ZMIZ1: variants seen among roughly 807,000 people sequenced by gnomAD.
ZMIZ1 encodes the protein zinc finger MIZ domain-containing protein 1.
ZMIZ1 carries 17 observed loss-of-function variants against 113.9 expected under a neutral mutation model. The ratio of observed to expected loss-of-function variants is 0.15; its 90% CI spans 0.10 to 0.22. The LOEUF is 0.22. ZMIZ1 is among the 10% of genes least tolerant of loss of function. ZMIZ1 has a pLI of 1.00. For missense variants in ZMIZ1, 1,059 were observed against 1,477.8 expected, an observed-to-expected ratio of 0.72 and a Z score of 4.65; for synonymous variants, 607 against 603.1, an observed-to-expected ratio of 1.01 and a Z score of -0.09.
At chr10:79,270,909 G>A (rs895611562) in intron 7 of ZMIZ1, among the ~76,000 whole-genome samples, 5 of 152,304 alleles carry the variant, frequency 3.3e-5, no homozygotes, top group Admixed American at 6.5e-5. Flanking sequence ...GGGTTGCTGT[G>A]GGAGTCCCAT....
chr10:79,071,740 C>T, intron 1 of ZMIZ1, among the ~76,000 whole-genome samples: 1 of 152,130 alleles, frequency 6.6e-6, no homozygotes, highest in East Asian at 1.9e-4. Flanking sequence ...AAACAAAAGA[C>T]ACATTGAAAG....
At chr10:79,132,880 TCC>T (rs1844832245) in intron 2 of ZMIZ1, among the ~76,000 whole-genome samples, 1 of 152,036 alleles carries the variant, frequency 6.6e-6, no homozygotes, top group Admixed American at 6.5e-5. Flanking sequence ...CCTCCTTCCC[TCC>T]CATGCAGACA....
intron 4 of ZMIZ1, among the ~76,000 whole-genome samples, chr10:79,200,243 A>C (rs1848016682): frequency 6.6e-6 from 1 of 152,208 alleles, no homozygotes; most frequent in African/African-American, 2.4e-5. Flanking sequence ...TGAACTGTCC[A>C]CTGGGGGCAG....
intron 4 of ZMIZ1, among the ~76,000 whole-genome samples, chr10:79,181,574 G>C (rs1451772929): frequency 1.3e-5 from 2 of 152,294 alleles, no homozygotes; most frequent in East Asian, 3.9e-4. Flanking sequence ...CCGGGGTGAA[G>C]CCCAGGCATC....
intron 1 of ZMIZ1, among the ~76,000 whole-genome samples, chr10:79,077,495 G>T (rs1382371882): frequency 6.7e-6 from 1 of 149,248 alleles, no homozygotes; most frequent in South Asian, 2.2e-4. Context: ...TCTGGGTGGG[G>T]AGGGGTGGGG....
At chr10:79,198,393 A>AT (rs11417792) in intron 4 of ZMIZ1, among the ~76,000 whole-genome samples, 26,745 of 151,944 alleles carry the variant, frequency 0.18, 3,103 homozygotes, top group African/African-American at 0.32. Context: ...TTACTTATTT[A>AT]TTTTTAAATT....
chr10:79,311,076 C>T lies in ZMIZ1; in HGVS notation c.2988C>T (p.Ala996=), dbSNP rs142267102. ...PSQPPRQPPQ[A]APSSHPHSDL... Reference sequence around the variant, plus strand: ...AGCCTCCCCGGCAGCCGCCACAGGCCGCTCCCAGCAGCCATCCACACAGCG... The same window carrying T: ...AGCCTCCCCGGCAGCCGCCACAGGCTGCTCCCAGCAGCCATCCACACAGCG... Residue 996 remains alanine, a synonymous_variant, in exon 24 of 25, where the codon GCC becomes GCT. Transcript: ENST00000334512. 640 of 1,613,658 alleles carry T rather than the reference C, an allele frequency of 4.0e-4. 5 individuals are homozygous for T. The highest frequency in any genetic ancestry group is 6.7e-5 in the East Asian group (3 of 44,872).
rs1265426480 is a variant in ZMIZ1, at chr10:79,293,459, A to G, written c.1036A>G (p.Met346Val). 3 of 1,557,666 alleles carry G rather than the reference A, an allele frequency of 1.9e-6. No homozygotes were observed. Among genetic ancestry groups the G allele is most frequent in the African/African-American group, 1.4e-5 (1 of 73,442 alleles). Residue 346 changes from methionine (M) to valine (V), a missense_variant, in exon 12 of 25, where the codon ATG (methionine) becomes GTG (valine). Met to Val is a conservative substitution (Grantham distance 21). Coordinates refer to ENST00000334512, the MANE Select transcript of ZMIZ1 (RefSeq NM_020338.4). ...GGGGCCTGCCTCCATGGGGGGCAGCATGAACCCCGCGAGCATGGCGGCTGG... is the reference window on the plus strand; with the variant it reads ...GGGGCCTGCCTCCATGGGGGGCAGCGTGAACCCCGCGAGCATGGCGGCTGG... ...PRGPASMGGS[M>V]NPASMAAGMT...
intron 7 of ZMIZ1, among the ~76,000 whole-genome samples, chr10:79,251,178 C>T (rs1288648937): frequency 6.6e-6 from 1 of 151,992 alleles, no homozygotes; most frequent in East Asian, 1.9e-4. Flanking sequence ...CAAAGGTGCC[C>T]TCCCAAGCTT....
chr10:79,306,479 A>C, intron 22 of ZMIZ1, 135 bp downstream of exon 22: 1 of 1,422,394 alleles, frequency 7.0e-7, no homozygotes, highest in Non-Finnish European at 9.4e-7. Flanking sequence ...ATCCCCCAAA[A>C]AACAATTCCC....
chr10:79,293,290 C>T, intron 11 of ZMIZ1, 91 bp from the exon 12 acceptor site: 4 of 1,303,992 alleles, frequency 3.1e-6, no homozygotes, highest in Non-Finnish European at 4.2e-6. Flanking sequence ...TCCTCCACCT[C>T]CCCAACCCTT....
intron 1 of ZMIZ1, among the ~76,000 whole-genome samples, chr10:79,086,199 G>A (rs575346413): frequency 1.6e-4 from 24 of 152,286 alleles, no homozygotes; most frequent in African/African-American, 4.3e-4. Flanking sequence ...GCACTTCACC[G>A]TGTGGACAGT....
chr10:79,307,373 CCCCCT>C, intron 22 of ZMIZ1, 27 bp from the exon 23 acceptor site: 1 of 1,479,682 alleles, frequency 6.8e-7, no homozygotes, highest in Non-Finnish European at 9.2e-7. Flanking sequence ...CTCTGGGTGA[CCCCCT>C]CCCCTCCCCA....
At chr10:79,099,163 C>G (rs896082642) in intron 1 of ZMIZ1, among the ~76,000 whole-genome samples, 1 of 152,156 alleles carries the variant, frequency 6.6e-6, no homozygotes, top group Non-Finnish European at 1.5e-5. Context: ...CGGAGGGTCC[C>G]TAGGCTGTGG....
chr10:79,120,732 CATGAGAA>C (rs763595250), intron 2 of ZMIZ1, among the ~76,000 whole-genome samples: 2 of 152,206 alleles, frequency 1.3e-5, no homozygotes, highest in Non-Finnish European at 2.9e-5. Flanking sequence ...CTAGTAGTCT[CATGAGAA>C]TAAAACAGGT....
rs1049392106 is a variant in ZMIZ1 at position 79,316,062 on chromosome 10, G to A, written c.*3313G>A. On this transcript the variant is annotated 3_prime_UTR_variant, in exon 25 of 25. Transcript: ENST00000334512. The stretch of plus-strand genomic sequence containing the variant: ...GTCCTGCCACCTGTGTATTTTTAGG[G>A]TGCTATGGAAATAATGAAAAGAAAC... 2 of 152,726 alleles carry A rather than the reference G, an allele frequency of 1.3e-5. No homozygotes were observed. Among genetic ancestry groups the A allele is most frequent in the African/African-American group, 2.4e-5 (1 of 41,410 alleles). 9.5% of individuals were successfully genotyped at this position (152,726 alleles called of 1,614,324 possible).
At chr10:79,253,800 T>C (rs752395721) in intron 7 of ZMIZ1, among the ~76,000 whole-genome samples, 20 of 152,144 alleles carry the variant, frequency 1.3e-4, no homozygotes, top group Non-Finnish European at 2.1e-4. Flanking sequence ...ACCCCAAAGA[T>C]ATCCATCTGC....
At chr10:79,075,113 C>T (rs1287273010) in intron 1 of ZMIZ1, among the ~76,000 whole-genome samples, 1 of 152,114 alleles carries the variant, frequency 6.6e-6, no homozygotes, top group African/African-American at 2.4e-5. Context: ...CCCAGCTCCA[C>T]CCCTAGACAG....
intron 7 of ZMIZ1, 54 bp from the exon 8 acceptor site, chr10:79,277,127 G>C: frequency 6.9e-7 from 1 of 1,455,698 alleles, no homozygotes; most frequent in Non-Finnish European, 9.1e-7. Flanking sequence ...GGGGGTCTTG[G>C]TGTGGCAGAG....
Sources: allele counts gnomAD v4.1 joint callset (sites outside exome capture counted in the v4.1 genomes callset), GRCh38; gene constraint gnomAD v4.1.1; transcripts MANE v1.5; gene names NCBI Gene and HGNC (gene_info 2026-07-23, HGNC 2026-07-21).